The following STK31 variants were observed in gnomAD, a reference collection of about 807,000 sequenced individuals.
STK31 encodes serine/threonine-protein kinase 31.
Under a neutral mutation model 129.7 loss-of-function variants are expected in STK31, and 89 were observed. That is an observed-to-expected ratio of 0.69 (90% CI 0.58 to 0.82). The LOEUF is 0.82. Among genes scored for constraint, STK31 ranks in the 40% least tolerant of loss-of-function variants. The pLI is 0.00. For synonymous variants in STK31, 448 were observed against 395.3 expected (o/e 1.13, Z -1.58); for missense variants, 1,187 against 1,176.4 (o/e 1.01, Z -0.13).
chr7:23,810,074 G>T (rs1217805295), intron 22 of STK31, among the ~76,000 whole-genome samples: 1 of 152,090 alleles, frequency 6.6e-6, no homozygotes, highest in Non-Finnish European at 1.5e-5. Context: ...TGTGGTTTAA[G>T]GTCATCTTGT....
intron 3 of STK31, 33 bp downstream of exon 3, chr7:23,712,319 C>A: frequency 6.2e-7 from 1 of 1,609,086 alleles, no homozygotes; most frequent in East Asian, 2.2e-5. Flanking sequence ...TCCCCCCTCA[C>A]CTCCCCCAAT....
chr7:23,815,533 A>G (rs1484619035), intron 23 of STK31, among the ~76,000 whole-genome samples: 1 of 152,168 alleles, frequency 6.6e-6, no homozygotes, highest in South Asian at 2.1e-4. Flanking sequence ...ACCTAACTAT[A>G]TCTTTGTCAT....
At position 23,783,589 on chromosome 7, in the gene STK31, C is replaced by G. The variant is rs370118537; in HGVS notation, c.2074C>G (p.Leu692Val). ...IYHEREEYEM[L>V]TSLAQKWFPE... ...TTTTTTTTTTTAACTTTAGGAGATGCTAACTAGTTTGGCACAGAAATGGTT... is the reference window on the plus strand; with the variant it reads ...TTTTTTTTTTTAACTTTAGGAGATGGTAACTAGTTTGGCACAGAAATGGTT... Residue 692 changes from leucine to valine, a missense_variant, in exon 17 of 24, where the codon CTA (leucine) becomes GTA (valine). Leu to Val is a conservative substitution (Grantham distance 32). Coordinates refer to ENST00000355870, the MANE Select transcript of STK31 (RefSeq NM_031414.5). The G allele has an allele frequency of 6.2e-7, 1 of 1,607,198 alleles. No homozygotes were observed. The highest frequency in any genetic ancestry group is 2.2e-5 in the East Asian group (1 of 44,748).
chr7:23,766,541 A>T (rs1789843719), intron 11 of STK31, among the ~76,000 whole-genome samples: 1 of 152,204 alleles, frequency 6.6e-6, no homozygotes, highest in Non-Finnish European at 1.5e-5. Flanking sequence ...GGTGTGAGCC[A>T]AAGTGCCCAG....
At position 23,714,172 on chromosome 7, in the gene STK31, A is replaced by G. The variant is rs1455961399; in HGVS notation, c.150+1886A>G. ...GCTGCATGTAAAAAAAAATTGTAGA[A>G]GGGTGATGTTATAGAAAACTTGGGG... On this transcript the variant is annotated intron_variant, in intron 3 of 23. Transcript: ENST00000355870. Among the ~76,000 whole-genome samples, 3 of 152,128 alleles carry G rather than the reference A, an allele frequency of 2.0e-5. No homozygotes were observed. In the South Asian group the frequency reaches 6.2e-4, roughly 31 times the overall value.
intron 4 of STK31, chr7:23,722,566 C>T (rs1287917614): frequency 2.0e-5 from 3 of 152,420 alleles, no homozygotes; most frequent in African/African-American, 7.2e-5. Context: ...TCTGTCTGTT[C>T]TCAGATCTCA....
intron 15 of STK31, among the ~76,000 whole-genome samples, chr7:23,774,161 A>G (rs915077242): frequency 6.6e-6 from 1 of 152,030 alleles, no homozygotes; most frequent in Non-Finnish European, 1.5e-5. Flanking sequence ...TGTGCCACAT[A>G]TTCTTAATCC....
intron 3 of STK31, among the ~76,000 whole-genome samples, chr7:23,716,839 G>A (rs924405213): frequency 6.9e-6 from 1 of 145,030 alleles, no homozygotes; most frequent in Non-Finnish European, 1.5e-5. Context: ...CCGTCACCAA[G>A]GCTAGAGTGC....
chr7:23,737,401 A>G (rs533384904), intron 8 of STK31, among the ~76,000 whole-genome samples: 1 of 152,218 alleles, frequency 6.6e-6, no homozygotes, highest in Non-Finnish European at 1.5e-5. Context: ...CACCCAGTTT[A>G]TACAATTATA....
At chr7:23,766,377 C>T (rs1030545000) in intron 11 of STK31, among the ~76,000 whole-genome samples, 3 of 152,170 alleles carry the variant, frequency 2.0e-5, no homozygotes, top group South Asian at 2.1e-4. Context: ...ATTCTCATGC[C>T]TCAACCTCCC....
At chr7:23,806,031 A>G (rs1048941541) in intron 22 of STK31, among the ~76,000 whole-genome samples, 1 of 152,348 alleles carries the variant, frequency 6.6e-6, no homozygotes. Context: ...TCGAGGCTCC[A>G]TGCAAGACCA....
intron 23 of STK31, among the ~76,000 whole-genome samples, chr7:23,828,808 C>T (rs1375187573): frequency 6.6e-6 from 1 of 152,182 alleles, no homozygotes; most frequent in Non-Finnish European, 1.5e-5. Flanking sequence ...ACTAGGACTT[C>T]CAGGACTGTG....
intron 6 of STK31, among the ~76,000 whole-genome samples, chr7:23,734,744 C>T (rs1787617728): frequency 6.6e-6 from 1 of 152,106 alleles, no homozygotes. Flanking sequence ...GTGGGCGGAT[C>T]ACTTGAGGTT....
chr7:23,825,212 T>C (rs1794056653), intron 23 of STK31, among the ~76,000 whole-genome samples: 1 of 152,254 alleles, frequency 6.6e-6, no homozygotes, highest in African/African-American at 2.4e-5. Context: ...AATTTAGCTG[T>C]GAATCCATCT....
intron 23 of STK31, among the ~76,000 whole-genome samples, chr7:23,818,975 C>T (rs752031443): frequency 6.6e-6 from 1 of 152,064 alleles, no homozygotes; most frequent in Non-Finnish European, 1.5e-5. Context: ...TGTCATTCTT[C>T]TAAGACATCT....
intron 16 of STK31, among the ~76,000 whole-genome samples, 169 bp downstream of exon 16, chr7:23,781,689 A>C (rs531944056): frequency 6.6e-6 from 1 of 152,254 alleles, no homozygotes; most frequent in Non-Finnish European, 1.5e-5. Flanking sequence ...TAAATTTCAC[A>C]TGACAAAATA....
At chr7:23,733,551 G>T (rs557582885) in intron 6 of STK31, among the ~76,000 whole-genome samples, 1 of 152,210 alleles carries the variant, frequency 6.6e-6, no homozygotes, top group South Asian at 2.1e-4. Flanking sequence ...TCTCACGCCT[G>T]TAATCCCAGC....
intron 15 of STK31, among the ~76,000 whole-genome samples, chr7:23,777,485 G>T (rs376303030): frequency 2.0e-5 from 3 of 152,270 alleles, no homozygotes; most frequent in East Asian, 3.9e-4. Context: ...AGGTCTCTAA[G>T]ATCTTGCTTT....
chr7:23,758,443 T>A (rs1789248024), intron 10 of STK31, among the ~76,000 whole-genome samples: 1 of 151,462 alleles, frequency 6.6e-6, no homozygotes, highest in African/African-American at 2.4e-5. Flanking sequence ...TTTTGGAGTG[T>A]TTTTTTTGTG....
Sources: gnomAD v4.1 joint callset for allele counts (sites outside exome capture counted in the v4.1 genomes callset) on GRCh38, gnomAD v4.1.1 for gene constraint, MANE v1.5 for transcripts, NCBI Gene and HGNC (gene_info 2026-07-23, HGNC 2026-07-21) for gene names.